Variants in SMYD3 observed in about 807,000 individuals in gnomAD.
The protein encoded by SMYD3 is histone-lysine N-methyltransferase SMYD3.
A neutral mutation model predicts 57.7 loss-of-function variants in SMYD3; 36 were observed. The ratio of observed to expected loss-of-function variants is 0.62; its 90% CI spans 0.48 to 0.82. The LOEUF (loss-of-function observed/expected upper bound fraction) is 0.82. Among genes scored for constraint, SMYD3 ranks in the 40% least tolerant of loss-of-function variants. SMYD3 has a pLI of 0.00. For missense variants in SMYD3, 515 were observed against 538.8 expected (o/e 0.96, Z 0.44); for synonymous variants, 211 against 195.0 (o/e 1.08, Z -0.68).
intron 1 of SMYD3, among the ~76,000 whole-genome samples, chr1:246,498,329 G>A (rs924525998): frequency 1.3e-5 from 2 of 152,244 alleles, no homozygotes; most frequent in African/African-American, 2.4e-5. Flanking sequence ...ATAAAATTGA[G>A]CATTATGGAG....
chr1:245,778,809 GA>G (rs1319600511), intron 10 of SMYD3, among the ~76,000 whole-genome samples: 4 of 109,902 alleles, frequency 3.6e-5, no homozygotes, highest in African/African-American at 2.3e-4. Flanking sequence ...ATTCATAAAA[GA>G]AAAAAATGGA....
chr1:246,450,810 AT>A (rs1388085865), intron 1 of SMYD3, among the ~76,000 whole-genome samples: 2 of 152,250 alleles, frequency 1.3e-5, no homozygotes, highest in Admixed American at 1.3e-4. Context: ...ACAAGTTCAC[AT>A]TTTAATTAAT....
intron 1 of SMYD3, among the ~76,000 whole-genome samples, chr1:246,391,697 A>G (rs139808513): frequency 6.6e-6 from 1 of 152,280 alleles, no homozygotes; most frequent in East Asian, 1.9e-4. Context: ...TGATAATGAA[A>G]AGTAACACAT....
intron 1 of SMYD3, among the ~76,000 whole-genome samples, chr1:246,409,656 C>T (rs1329621473): frequency 6.7e-5 from 10 of 148,596 alleles, no homozygotes; most frequent in African/African-American, 7.7e-5. Flanking sequence ...CTTGGCAATG[C>T]GGGCTCTTTT....
chr1:246,038,007 T>C (rs1044953121), intron 5 of SMYD3, among the ~76,000 whole-genome samples: 1 of 152,220 alleles, frequency 6.6e-6, no homozygotes, highest in East Asian at 1.9e-4. Context: ...ACAAACAATA[T>C]GCAAACAAAT....
At chr1:246,179,373 C>T (rs1252093281) in intron 5 of SMYD3, among the ~76,000 whole-genome samples, 7 of 152,186 alleles carry the variant, frequency 4.6e-5, no homozygotes, top group Non-Finnish European at 8.8e-5. Context: ...GATCTCTTGA[C>T]ATACAGACTG....
At chr1:246,402,527 T>C (rs1433768651) in intron 1 of SMYD3, among the ~76,000 whole-genome samples, 1 of 152,006 alleles carries the variant, frequency 6.6e-6, no homozygotes, top group Non-Finnish European at 1.5e-5. Context: ...CTCCACTCAA[T>C]ATACTTCAAA....
chr1:246,181,424 C>T (rs995524959), intron 5 of SMYD3, among the ~76,000 whole-genome samples: 1 of 152,232 alleles, frequency 6.6e-6, no homozygotes, highest in African/African-American at 2.4e-5. Flanking sequence ...GCTGACATCC[C>T]TGCCACTCCC....
chr1:245,822,558 A>G (rs1355776577), intron 10 of SMYD3, among the ~76,000 whole-genome samples: 1 of 143,736 alleles, frequency 7.0e-6, no homozygotes, highest in African/African-American at 2.9e-5. Context: ...AATAAAAGAA[A>G]AAAAAAAAAA....
chr1:245,939,454 T>A (rs558901697), intron 5 of SMYD3, among the ~76,000 whole-genome samples: 1 of 152,060 alleles, frequency 6.6e-6, no homozygotes, highest in Admixed American at 6.5e-5. Flanking sequence ...TGAAACCCCA[T>A]CTCTACTAAA....
At chr1:246,291,660 A>C (rs1296027449) in intron 5 of SMYD3, among the ~76,000 whole-genome samples, 1 of 152,242 alleles carries the variant, frequency 6.6e-6, no homozygotes, top group Non-Finnish European at 1.5e-5. Flanking sequence ...CCTATGTTCA[A>C]CTGTAATTTA....
At chr1:246,097,131 A>G (rs1382611436) in intron 5 of SMYD3, among the ~76,000 whole-genome samples, 1 of 152,240 alleles carries the variant, frequency 6.6e-6, no homozygotes, top group African/African-American at 2.4e-5. Flanking sequence ...AGTTGTTCAG[A>G]CAAAGAAACG....
At chr1:245,868,032 C>G (rs2051975248) in intron 8 of SMYD3, among the ~76,000 whole-genome samples, 1 of 152,212 alleles carries the variant, frequency 6.6e-6, no homozygotes, top group South Asian at 2.1e-4. Context: ...TCCCAAATAT[C>G]TAGCACAGTC....
intron 5 of SMYD3, among the ~76,000 whole-genome samples, chr1:245,995,998 A>AC (rs980148321): frequency 3.3e-5 from 5 of 152,200 alleles, no homozygotes; most frequent in Non-Finnish European, 5.9e-5. Flanking sequence ...ATGAAATGTT[A>AC]TTTTTGGCAC....
intron 10 of SMYD3, among the ~76,000 whole-genome samples, chr1:245,767,483 G>A (rs1483767549): frequency 1.3e-5 from 2 of 152,174 alleles, no homozygotes; most frequent in Non-Finnish European, 2.9e-5. Flanking sequence ...TGGTCAATAT[G>A]GTGAAACCCC....
intron 5 of SMYD3, among the ~76,000 whole-genome samples, chr1:245,960,638 G>A (rs2057976041): frequency 6.6e-6 from 1 of 152,036 alleles, no homozygotes; most frequent in African/African-American, 2.4e-5. Context: ...GAGGTGGGAG[G>A]ATCACTTGAG....
intron 5 of SMYD3, among the ~76,000 whole-genome samples, chr1:246,065,521 G>C (rs1452881448): frequency 6.6e-6 from 1 of 152,142 alleles, no homozygotes; most frequent in African/African-American, 2.4e-5. Flanking sequence ...AGATTTACAG[G>C]CTGAGGCAAT....
At chr1:246,280,403 C>T (rs1474815086) in intron 5 of SMYD3, among the ~76,000 whole-genome samples, 4 of 152,148 alleles carry the variant, frequency 2.6e-5, no homozygotes, top group African/African-American at 9.7e-5. Context: ...CCTATGCTGC[C>T]ATGCGACAGA....
intron 1 of SMYD3, among the ~76,000 whole-genome samples, chr1:246,372,732 C>T (rs1194441816): frequency 2.0e-5 from 3 of 152,162 alleles, no homozygotes; most frequent in Non-Finnish European, 2.9e-5. Flanking sequence ...GGCTCACGCC[C>T]GTAATCCAAG....
Sources: gnomAD v4.1 joint callset for allele counts (sites outside exome capture counted in the v4.1 genomes callset) on GRCh38, gnomAD v4.1.1 for gene constraint, MANE v1.5 for transcripts, NCBI Gene and HGNC (gene_info 2026-07-23, HGNC 2026-07-21) for gene names.